RBFOX1: variants seen among roughly 807,000 people sequenced by gnomAD.
RBFOX1 encodes the protein RNA binding fox-1 homolog 1.
A neutral mutation model predicts 57.7 loss-of-function variants in RBFOX1; 8 were observed. That is an observed-to-expected ratio of 0.14 (90% CI 0.08 to 0.25). The LOEUF (loss-of-function observed/expected upper bound fraction) is 0.25. RBFOX1 is among the 10% of genes least tolerant of loss of function. The pLI is 1.00. For synonymous variants in RBFOX1, 326 were observed against 222.4 expected (o/e 1.47, Z -4.15); for missense variants, 611 against 548.5 (o/e 1.11, Z -1.14).
intron 3 of RBFOX1, among the ~76,000 whole-genome samples, chr16:5,834,927 G>A (rs564521173): frequency 9.9e-5 from 15 of 152,264 alleles, no homozygotes; most frequent in East Asian, 5.8e-4. Context: ...CCTGCATAGC[G>A]TTTTCCACAG....
At chr16:7,688,415 A>T (rs567166598) in intron 14 of RBFOX1, among the ~76,000 whole-genome samples, 1 of 152,064 alleles carries the variant, frequency 6.6e-6, no homozygotes, top group Non-Finnish European at 1.5e-5. Flanking sequence ...ATCTTTGCCC[A>T]TAAGACTTAA....
At chr16:6,160,179 T>C (rs1489517321) in intron 1 of RBFOX1, among the ~76,000 whole-genome samples, 3 of 152,174 alleles carry the variant, frequency 2.0e-5, no homozygotes, top group Non-Finnish European at 4.4e-5. Flanking sequence ...CTTAATTAAA[T>C]GCAAGGGGAA....
chr16:7,528,705 A>G (rs952579579), intron 5 of RBFOX1, among the ~76,000 whole-genome samples: 3 of 152,142 alleles, frequency 2.0e-5, no homozygotes, highest in East Asian at 1.9e-4. Flanking sequence ...TGTGGGCAGT[A>G]TTTGGGTCAT....
intron 4 of RBFOX1, among the ~76,000 whole-genome samples, chr16:5,954,277 C>T (rs555871004): frequency 1.3e-5 from 2 of 152,192 alleles, no homozygotes; most frequent in East Asian, 1.9e-4. Flanking sequence ...ACCCACCCAC[C>T]TCTGGAGAGA....
Position 6,725,292 on chromosome 16 carries a change from C to A in RBFOX1, c.-16+70642C>A, listed in dbSNP as rs933914711. 2.0e-5 allele frequency among the ~76,000 whole-genome samples: 3 copies of A among 151,862 alleles called. 1 individual carries two copies. The East Asian group carries it at 5.8e-4, about 30-fold the overall frequency. On this transcript the variant is annotated intron_variant, in intron 3 of 15. Coordinates refer to ENST00000550418, the MANE Select transcript of RBFOX1 (RefSeq NM_018723.4). ...GGTCTGGATCTCCTGACCTCGTGAT[C>A]CACCCACCTCGGCCTCCCAAAGTGC...
chr16:5,426,665 C>A (rs1445907694), intron 1 of RBFOX1, among the ~76,000 whole-genome samples: 2 of 152,228 alleles, frequency 1.3e-5, no homozygotes, highest in African/African-American at 2.4e-5. Context: ...AAAATTGACT[C>A]TCTCTGGAGA....
intron 2 of RBFOX1, among the ~76,000 whole-genome samples, chr16:6,424,985 C>T (rs139166742): frequency 3.9e-4 from 60 of 152,256 alleles, no homozygotes; most frequent in African/African-American, 1.4e-3. Flanking sequence ...AAAAAATACT[C>T]TACAATATTA....
At chr16:7,084,837 G>A (rs557935173) in intron 4 of RBFOX1, among the ~76,000 whole-genome samples, 2 of 151,292 alleles carry the variant, frequency 1.3e-5, no homozygotes, top group South Asian at 4.2e-4. Flanking sequence ...TGGCAATCTT[G>A]TCTGTCTGTC....
chr16:7,590,783 C>T (rs1027061167), intron 7 of RBFOX1, among the ~76,000 whole-genome samples: 5 of 148,860 alleles, frequency 3.4e-5, no homozygotes, highest in South Asian at 2.2e-4. Flanking sequence ...CACTTGAACC[C>T]GGGGGGTGGA....
At chr16:7,706,086 TTGCTGACG>T (rs908291332) in intron 14 of RBFOX1, among the ~76,000 whole-genome samples, 3 of 152,182 alleles carry the variant, frequency 2.0e-5, no homozygotes, top group Non-Finnish European at 4.4e-5. Flanking sequence ...GGACATCAGA[TTGCTGACG>T]TGCTTGGCAT....
chr16:5,635,835 A>G (rs141293965), intron 3 of RBFOX1, among the ~76,000 whole-genome samples: 3 of 152,074 alleles, frequency 2.0e-5, no homozygotes, highest in East Asian at 1.9e-4. Flanking sequence ...ATCCTATTTG[A>G]TTTCTATCAT....
Position 6,108,066 on chromosome 16 carries a change from A to G in RBFOX1, c.-127+88074A>G, listed in dbSNP as rs1039087883. On this transcript the variant is annotated intron_variant, in intron 1 of 15. Transcript: ENST00000550418. Reference sequence around the variant, plus strand: ...GGCTCACTATTAATATCAATACTTAATGGATCATAAGAATCAAATATCAAA... The same window carrying G: ...GGCTCACTATTAATATCAATACTTAGTGGATCATAAGAATCAAATATCAAA... Among the ~76,000 whole-genome samples, 4 of 152,218 alleles carry G rather than the reference A, an allele frequency of 2.6e-5. No individual in the cohort carries two copies. In the East Asian group the frequency reaches 7.7e-4, roughly 29 times the overall value.
chr16:6,294,356 G>A (rs1158653965), intron 1 of RBFOX1, among the ~76,000 whole-genome samples: 1 of 152,206 alleles, frequency 6.6e-6, no homozygotes, highest in African/African-American at 2.4e-5. Flanking sequence ...ATGGTTAGAT[G>A]AGTTGGATTT....
chr16:6,756,682 G>T (rs1316589320), intron 3 of RBFOX1, among the ~76,000 whole-genome samples: 1 of 152,044 alleles, frequency 6.6e-6, no homozygotes, highest in Non-Finnish European at 1.5e-5. Flanking sequence ...CTTAAAAGAA[G>T]ATATACAGGC....
chr16:6,552,610 C>A (rs2097013423), intron 2 of RBFOX1, among the ~76,000 whole-genome samples: 1 of 152,116 alleles, frequency 6.6e-6, no homozygotes, highest in Non-Finnish European at 1.5e-5. Flanking sequence ...AGGTTTGATT[C>A]ATCATTCTTT....
At chr16:5,317,797 T>G (rs1268057878) in intron 1 of RBFOX1, among the ~76,000 whole-genome samples, 1 of 152,214 alleles carries the variant, frequency 6.6e-6, no homozygotes, top group Non-Finnish European at 1.5e-5. Flanking sequence ...ATTTGCCATT[T>G]AAACCATTTT....
At chr16:5,538,028 T>A (rs1206513834) in intron 2 of RBFOX1, among the ~76,000 whole-genome samples, 1 of 152,090 alleles carries the variant, frequency 6.6e-6, no homozygotes, top group Non-Finnish European at 1.5e-5. Context: ...ACCATGAATT[T>A]CTCCAGATCT....
chr16:5,753,601 T>A (rs2053291875), intron 3 of RBFOX1, among the ~76,000 whole-genome samples: 1 of 152,176 alleles, frequency 6.6e-6, no homozygotes, highest in Admixed American at 6.5e-5. Flanking sequence ...TGTGAAATTT[T>A]AAGGAAACCT....
chr16:6,562,949 A>C (rs2097203665), intron 2 of RBFOX1, among the ~76,000 whole-genome samples: 1 of 137,762 alleles, frequency 7.3e-6, no homozygotes, highest in Admixed American at 8.0e-5. Flanking sequence ...TGAGTCCCAC[A>C]GCCCTTTCCT....
Sources: allele counts gnomAD v4.1 joint callset (sites outside exome capture counted in the v4.1 genomes callset), GRCh38; gene constraint gnomAD v4.1.1; transcripts MANE v1.5; gene names NCBI Gene and HGNC (gene_info 2026-07-23, HGNC 2026-07-21).